The following CAMKMT variants were observed in gnomAD, a reference collection of about 807,000 sequenced individuals.
CAMKMT encodes calmodulin-lysine N-methyltransferase, also known as CaM KMT.
A neutral mutation model predicts 48.0 loss-of-function variants in CAMKMT; 53 were observed. The observed-to-expected ratio is 1.10, with a 90% CI of 0.89 to 1.39. The LOEUF is 1.39. CAMKMT is among the 40% of genes most tolerant of loss of function. CAMKMT has a pLI of 0.00. For synonymous variants in CAMKMT, 165 were observed against 152.3 expected (o/e 1.08, Z -0.61); for missense variants, 428 against 402.7 (o/e 1.06, Z -0.54).
At chr2:44,379,469 C>G (rs1400935325) in intron 2 of CAMKMT, among the ~76,000 whole-genome samples, 1 of 152,110 alleles carries the variant, frequency 6.6e-6, no homozygotes, top group Non-Finnish European at 1.5e-5. Context: ...CTATGTTTAA[C>G]TTTTTGAGGA....
At chr2:44,593,404 A>G (rs1451374741) in intron 3 of CAMKMT, among the ~76,000 whole-genome samples, 4 of 152,134 alleles carry the variant, frequency 2.6e-5, no homozygotes, top group African/African-American at 4.8e-5. Context: ...GCTGGGTTCT[A>G]ACTCTTTGCA....
At chr2:44,433,691 A>G (rs1388883561) in intron 3 of CAMKMT, among the ~76,000 whole-genome samples, 1 of 152,264 alleles carries the variant, frequency 6.6e-6, no homozygotes, top group East Asian at 1.9e-4. Flanking sequence ...GACTTGGTAT[A>G]GCATGAACCA....
Position 44,621,277 on chromosome 2 carries a change from A to AT in CAMKMT, c.377-83006_377-83005insT, listed in dbSNP as rs1171141323. Among the ~76,000 whole-genome samples, 255 of 151,700 alleles carry AT rather than the reference A, an allele frequency of 1.7e-3. 2 individuals are homozygous for AT. Among genetic ancestry groups the AT allele is most frequent in the African/African-American group, 5.9e-3 (245 of 41,358 alleles). The stretch of plus-strand genomic sequence containing the variant: ...GCGAGACTCCATCTCAAAAAAAAAA[A>AT]AAAAAAAAGCATAAGAAAGCACAAC... On this transcript the variant is annotated intron_variant, in intron 3 of 10. Transcript: ENST00000378494.
intron 8 of CAMKMT, among the ~76,000 whole-genome samples, chr2:44,747,409 G>A (rs866078487): frequency 2.0e-5 from 3 of 152,014 alleles, no homozygotes; most frequent in Admixed American, 1.3e-4. Flanking sequence ...AATATCTTTC[G>A]CCCAAATATA....
intron 7 of CAMKMT, among the ~76,000 whole-genome samples, chr2:44,742,044 T>C (rs1037931422): frequency 3.9e-5 from 6 of 152,208 alleles, no homozygotes; most frequent in African/African-American, 1.4e-4. Context: ...CTAGTATAGA[T>C]GTATACTTTA....
intron 3 of CAMKMT, among the ~76,000 whole-genome samples, chr2:44,564,050 A>T (rs1668478853): frequency 6.6e-6 from 1 of 152,174 alleles, no homozygotes; most frequent in South Asian, 2.1e-4. Context: ...GGAATCGCCA[A>T]ACTGTCTTCC....
At chr2:44,698,367 T>C (rs1677076530) in intron 3 of CAMKMT, among the ~76,000 whole-genome samples, 1 of 152,208 alleles carries the variant, frequency 6.6e-6, no homozygotes, top group African/African-American at 2.4e-5. Flanking sequence ...CCTTTGTAAC[T>C]GGTTTCTTTC....
chr2:44,453,600 T>C lies in CAMKMT; in HGVS notation c.376+63295T>C, dbSNP rs374894900. Among the ~76,000 whole-genome samples the C allele has an allele frequency of 3.9e-5, 6 of 152,238 alleles. 1 individual carries two copies. The highest frequency in any genetic ancestry group is 1.4e-4 in the African/African-American group (6 of 41,590). On this transcript the variant is annotated intron_variant, in intron 3 of 10. Transcript: ENST00000378494. ...GGGATAATTTTTGTCATCTTTAGTA[T>C]AGAGAATGGATTCAGTTTGGTTTAA...
chr2:44,680,974 G>C (rs1012306247), intron 3 of CAMKMT, among the ~76,000 whole-genome samples: 15 of 152,200 alleles, frequency 9.9e-5, no homozygotes, highest in African/African-American at 2.7e-4. Flanking sequence ...TTAACTTCTT[G>C]TCTTGTGTTT....
intron 3 of CAMKMT, among the ~76,000 whole-genome samples, chr2:44,566,345 G>A (rs1336431115): frequency 2.0e-5 from 3 of 152,162 alleles, no homozygotes; most frequent in Admixed American, 6.5e-5. Context: ...CTTTGGCTTT[G>A]TTCCAGAATT....
At chr2:44,416,038 C>T (rs1019178860) in intron 3 of CAMKMT, among the ~76,000 whole-genome samples, 3 of 152,106 alleles carry the variant, frequency 2.0e-5, no homozygotes, top group African/African-American at 4.8e-5. Context: ...TTTTAAGATA[C>T]TGAATAATTG....
intron 8 of CAMKMT, among the ~76,000 whole-genome samples, chr2:44,748,883 C>T (rs1411946902): frequency 2.0e-5 from 3 of 152,144 alleles, no homozygotes; most frequent in South Asian, 2.1e-4. Context: ...TCCTGAAGAG[C>T]GAATATTTTA....
chr2:44,530,064 A>G (rs562223683), intron 3 of CAMKMT, among the ~76,000 whole-genome samples: 2 of 152,176 alleles, frequency 1.3e-5, no homozygotes, highest in Non-Finnish European at 2.9e-5. Flanking sequence ...GGATTTCAGC[A>G]TGGAAGACTG....
At chr2:44,659,376 G>C (rs1674555415) in intron 3 of CAMKMT, among the ~76,000 whole-genome samples, 1 of 151,966 alleles carries the variant, frequency 6.6e-6, no homozygotes, top group Non-Finnish European at 1.5e-5. Flanking sequence ...GCAGTGAGCT[G>C]TGATTATAAC....
chr2:44,509,324 TTTTG>T (rs1449048127), intron 3 of CAMKMT, among the ~76,000 whole-genome samples: 2 of 152,074 alleles, frequency 1.3e-5, no homozygotes, highest in Non-Finnish European at 2.9e-5. Context: ...TTTTGTTTTG[TTTTG>T]TTTTGAGTCA....
intron 8 of CAMKMT, among the ~76,000 whole-genome samples, chr2:44,743,921 A>T (rs904139831): frequency 6.6e-6 from 1 of 152,210 alleles, no homozygotes; most frequent in African/African-American, 2.4e-5. Flanking sequence ...TTTGAGAAGC[A>T]TTTCCATTTT....
chr2:44,671,187 T>C (rs974895173), intron 3 of CAMKMT, among the ~76,000 whole-genome samples: 2 of 152,152 alleles, frequency 1.3e-5, no homozygotes, highest in Non-Finnish European at 2.9e-5. Context: ...TCATTGTCCT[T>C]CCATGCTCCA....
chr2:44,527,990 C>T (rs1010001650), intron 3 of CAMKMT, among the ~76,000 whole-genome samples: 13 of 152,090 alleles, frequency 8.5e-5, no homozygotes, highest in African/African-American at 1.2e-4. Context: ...TCCTAAAAAT[C>T]TTCTGTGCTT....
intron 3 of CAMKMT, among the ~76,000 whole-genome samples, chr2:44,465,489 G>A (rs528269412): frequency 7.3e-5 from 11 of 151,622 alleles, no homozygotes; most frequent in East Asian, 3.9e-4. Flanking sequence ...CCAGCTACTC[G>A]GGAGGCTGAG....
Sources: gnomAD v4.1 joint callset for allele counts (sites outside exome capture counted in the v4.1 genomes callset) on GRCh38, gnomAD v4.1.1 for gene constraint, MANE v1.5 for transcripts, NCBI Gene and HGNC (gene_info 2026-07-23, HGNC 2026-07-21) for gene names.